The following LCOR variants were observed in gnomAD, a reference collection of about 807,000 sequenced individuals.
LCOR encodes ligand-dependent corepressor.
Under a neutral mutation model 64.4 loss-of-function variants are expected in LCOR, and 14 were observed. The observed-to-expected ratio is 0.22, with a 90% CI of 0.14 to 0.34. The LOEUF (loss-of-function observed/expected upper bound fraction) is 0.34, where lower values mean the gene tolerates loss of function less well. Ranked by LOEUF, LCOR falls within the 10% of genes least tolerant of loss-of-function variation. The probability of loss-of-function intolerance (pLI) is 1.00; values close to 1 mark genes in which losing one functional copy is unlikely to be tolerated. For missense variants in LCOR, 1,686 were observed against 1,765.3 expected, an observed-to-expected ratio of 0.96 and a Z score of 0.80; for synonymous variants, 643 against 642.5, an observed-to-expected ratio of 1.00 and a Z score of -0.01.
In LCOR at chr10:96,981,983, G is replaced by T; in HGVS notation, c.1523G>T (p.Gly508Val). The T allele has an allele frequency of 6.2e-7, 1 of 1,613,986 alleles. No individual in the cohort carries two copies. ...AGTACTCGAGGATACTTTTTCAATG[G>T]TGACTGTTGTGAGCTGCCAACTGTT... ...RKSTRGYFFN[G>V]DCCELPTVRT... The change falls in exon 8 of 8, where the codon GGT becomes GTT. Residue 508 changes from glycine (G) to valine (V), a missense_variant. Gly to Val is a moderately radical substitution (Grantham distance 109). Coordinates refer to ENST00000421806, the MANE Select transcript of LCOR (RefSeq NM_001346516.2).
intron 5 of LCOR, among the ~76,000 whole-genome samples, chr10:96,944,784 A>T (rs1170158277): frequency 1.3e-4 from 20 of 152,112 alleles, no homozygotes; most frequent in Admixed American, 1.3e-3. Flanking sequence ...GGCATTTAAT[A>T]GCTCAACCTC....
chr10:96,875,757 G>A (rs1218877207), intron 2 of LCOR, among the ~76,000 whole-genome samples: 1 of 152,128 alleles, frequency 6.6e-6, no homozygotes, highest in African/African-American at 2.4e-5. Context: ...AGCTACTTGG[G>A]AGGCTGAGGT....
chr10:96,873,571 C>CGTGTGTGTGTGTGTGTGT (rs55893181), intron 2 of LCOR, among the ~76,000 whole-genome samples: 11 of 126,386 alleles, frequency 8.7e-5, no homozygotes, highest in East Asian at 8.2e-4. Context: ...CACACACACA[C>CGTGTGTGTGTGTGTGTGT]GTGTGTGTGT....
At chr10:96,900,058 G>A (rs1236162512) in intron 2 of LCOR, among the ~76,000 whole-genome samples, 1 of 152,116 alleles carries the variant, frequency 6.6e-6, no homozygotes, top group African/African-American at 2.4e-5. Flanking sequence ...AAAAAGAAAT[G>A]TGTTGCCCAT....
At position 96,980,917 on chromosome 10, in the gene LCOR, T is replaced by C; in HGVS notation, c.457T>C (p.Tyr153His). 1.4e-6 allele frequency: 1 copy of C among 703,034 alleles called. No homozygotes were observed. Among genetic ancestry groups the C allele is most frequent in the Non-Finnish European group, 2.6e-6 (1 of 385,006 alleles). 43.5% of individuals were successfully genotyped at this position (703,034 alleles called of 1,614,324 possible). A position where few individuals can be genotyped will look rare whatever the true frequency, so the allele number is the denominator to read the frequency against. Residue 153 changes from tyrosine (Y) to histidine (H), a missense_variant, in exon 8 of 8, where the codon TAC (tyrosine) becomes CAC (histidine). This residue lies in a region of LCOR where 313 missense variants were observed against 247.2 expected (regional missense o/e 1.27). Coordinates refer to ENST00000421806, the MANE Select transcript of LCOR (RefSeq NM_001346516.2). ...ATTCATTCGTGTTCTGAACGACCTG[T>C]ACACTGAATCTCAACCAGGCACTGA... is the stretch of plus-strand genomic sequence containing the variant. ...KQFIRVLNDL[Y>H]TESQPGTEDL...
chr10:96,898,822 T>TA (rs1284070832), intron 2 of LCOR, among the ~76,000 whole-genome samples: 1 of 152,228 alleles, frequency 6.6e-6, no homozygotes, highest in African/African-American at 2.4e-5. Flanking sequence ...GCTTGCCTGA[T>TA]ACCAAATAAG....
chr10:96,943,327 C>T (rs565472119), intron 4 of LCOR, among the ~76,000 whole-genome samples: 4 of 152,324 alleles, frequency 2.6e-5, no homozygotes, highest in Admixed American at 6.5e-5. Context: ...GAACTCCTCA[C>T]CTCAAGTGAT....
chr10:96,986,357 C>T lies in LCOR; in HGVS notation c.*1223C>T, dbSNP rs555466570. On this transcript the variant is annotated 3_prime_UTR_variant, in exon 8 of 8. Transcript: ENST00000421806. ...TGGAGTTATGTAAAGGTTAGAGCAGCCTTGCAGTTGGAGGAAGCAGCTCCA... is the reference window on the plus strand; with the variant it reads ...TGGAGTTATGTAAAGGTTAGAGCAGTCTTGCAGTTGGAGGAAGCAGCTCCA... The T allele has an allele frequency of 6.5e-6, 1 of 153,088 alleles. No homozygotes were observed. The highest frequency in any genetic ancestry group is 2.4e-5 in the African/African-American group (1 of 41,550). 9.5% of individuals were successfully genotyped at this position (153,088 alleles called of 1,614,324 possible).
chr10:96,958,630 A>G, intron 7 of LCOR: 1 of 583,714 alleles, frequency 1.7e-6, no homozygotes, highest in Non-Finnish European at 3.1e-6. Context: ...AGATTGTAAT[A>G]TTCATGTCTG....
chr10:96,928,077 A>G (rs141548642), intron 4 of LCOR, among the ~76,000 whole-genome samples: 5 of 152,310 alleles, frequency 3.3e-5, no homozygotes, highest in Admixed American at 2.6e-4. Flanking sequence ...GACTGCTGCC[A>G]ACTGATCAAG....
intron 2 of LCOR, among the ~76,000 whole-genome samples, chr10:96,845,286 TGAG>T (rs1001207898): frequency 2.5e-4 from 38 of 151,604 alleles, no homozygotes; most frequent in African/African-American, 9.0e-4. Flanking sequence ...TAAGAAAAAA[TGAG>T]GGGAACGTCG....
intron 2 of LCOR, among the ~76,000 whole-genome samples, chr10:96,848,599 A>G (rs1845671059): frequency 6.6e-6 from 1 of 152,186 alleles, no homozygotes; most frequent in Non-Finnish European, 1.5e-5. Flanking sequence ...CGGAGGTTGC[A>G]GTGAGCTGAG....
intron 2 of LCOR, among the ~76,000 whole-genome samples, chr10:96,889,669 C>T (rs1238995058): frequency 1.3e-5 from 2 of 152,218 alleles, no homozygotes; most frequent in Non-Finnish European, 2.9e-5. Context: ...AATACAGCCA[C>T]ACTGGGGTTA....
intron 7 of LCOR, chr10:96,955,212 C>T (rs1015130304): frequency 5.0e-6 from 8 of 1,614,036 alleles, no homozygotes; most frequent in Non-Finnish European, 5.9e-6. Context: ...TTGGGCAAAA[C>T]CACATTACGA....
Position 96,920,881 on chromosome 10 carries a change from G to A in LCOR, c.-184+13134G>A, listed in dbSNP as rs746848852. Among the ~76,000 whole-genome samples, 12 of 151,620 alleles carry A rather than the reference G, an allele frequency of 7.9e-5. No homozygotes were observed. In the South Asian group the frequency reaches 2.1e-3, roughly 26 times the overall value. ...GGTGCAAACACTGCTTGCTGCAGCC[G>A]TGACCTCCCGGGCACATGTAATCCT... On this transcript the variant is annotated intron_variant, in intron 4 of 7. Transcript: ENST00000421806.
At chr10:96,980,447 G>A in intron 7 of LCOR, among the ~76,000 whole-genome samples, 1 of 152,134 alleles carries the variant, frequency 6.6e-6, no homozygotes. Flanking sequence ...TAAAATTTGA[G>A]GCTATAACAG....
chr10:96,936,271 AG>A (rs1272675919), intron 4 of LCOR, among the ~76,000 whole-genome samples: 1 of 152,254 alleles, frequency 6.6e-6, no homozygotes, highest in Non-Finnish European at 1.5e-5. Flanking sequence ...CAGTACTTAG[AG>A]GATGTGTGTT....
chr10:96,948,709 T>C (rs1156347586), intron 5 of LCOR, among the ~76,000 whole-genome samples: 1 of 152,192 alleles, frequency 6.6e-6, no homozygotes, highest in Non-Finnish European at 1.5e-5. Flanking sequence ...TGAAGGGTTT[T>C]GGGATTTCTG....
intron 4 of LCOR, among the ~76,000 whole-genome samples, chr10:96,933,678 C>G (rs1433663421): frequency 6.6e-6 from 1 of 152,072 alleles, no homozygotes; most frequent in Non-Finnish European, 1.5e-5. Context: ...TGCCACCACG[C>G]CTGCCTAATT....
Sources: allele counts gnomAD v4.1 joint callset (sites outside exome capture counted in the v4.1 genomes callset), GRCh38; gene constraint gnomAD v4.1.1; regional missense constraint gnomAD v4.1.1; transcripts MANE v1.5; gene names NCBI Gene and HGNC (gene_info 2026-07-23, HGNC 2026-07-21).